ZMIZ1: variants seen among roughly 807,000 people sequenced by gnomAD.
The protein encoded by ZMIZ1 is zinc finger MIZ domain-containing protein 1.
Under a neutral mutation model 113.9 loss-of-function variants are expected in ZMIZ1, and 17 were observed. The ratio of observed to expected loss-of-function variants is 0.15; its 90% CI spans 0.10 to 0.22. ZMIZ1 has a LOEUF of 0.22. ZMIZ1 is among the 10% of genes least tolerant of loss of function. The pLI, the probability that ZMIZ1 is intolerant of heterozygous loss-of-function variation, is 1.00. For synonymous variants in ZMIZ1, 607 were observed against 603.1 expected, an observed-to-expected ratio of 1.01 and a Z score of -0.09; for missense variants, 1,059 against 1,477.8, an observed-to-expected ratio of 0.72 and a Z score of 4.65.
At chr10:79,110,713 G>A (rs1184945457) in intron 1 of ZMIZ1, among the ~76,000 whole-genome samples, 3 of 152,222 alleles carry the variant, frequency 2.0e-5, no homozygotes, top group Admixed American at 6.5e-5. Flanking sequence ...TGGCTCAGAG[G>A]CTCTGAAAGA....
In ZMIZ1 at chr10:79,157,109, G is replaced by A. The variant is rs74696838; in HGVS notation, c.-130-4944G>A. 7.3e-5 allele frequency among the ~76,000 whole-genome samples: 11 copies of A among 150,680 alleles called. No individual in the cohort carries two copies. The East Asian group carries it at 7.8e-4, about 11-fold the overall frequency. The stretch of plus-strand genomic sequence containing the variant: ...GGGTTCCAAAGGACAGTGACGAGAC[G>A]TAGAGCTGCACAAGGCGCCATGTAG... On this transcript the variant is annotated intron_variant, in intron 3 of 24. Transcript: ENST00000334512.
chr10:79,243,514 G>GGAGCGGGCAGCGCGGAGC (rs1306349651), intron 7 of ZMIZ1, among the ~76,000 whole-genome samples: 2 of 147,138 alleles, frequency 1.4e-5, no homozygotes, highest in Admixed American at 1.4e-4. Flanking sequence ...GAGCGCCCTC[G>GGAGCGGGCAGCGCGGAGC]GAGCGGGCAG....
At chr10:79,267,204 G>T (rs1851658700) in intron 7 of ZMIZ1, among the ~76,000 whole-genome samples, 1 of 152,234 alleles carries the variant, frequency 6.6e-6, no homozygotes, top group Admixed American at 6.5e-5. Context: ...ACAGTTGGGT[G>T]CTAGGGGAGC....
At chr10:79,072,799 C>A (rs2132152038) in intron 1 of ZMIZ1, among the ~76,000 whole-genome samples, 2 of 152,362 alleles carry the variant, frequency 1.3e-5, no homozygotes, top group Admixed American at 1.3e-4. Flanking sequence ...GTGTGGACAA[C>A]AAAGGCCAGG....
intron 1 of ZMIZ1, among the ~76,000 whole-genome samples, chr10:79,081,669 T>TG: frequency 6.6e-6 from 1 of 152,228 alleles, no homozygotes; most frequent in East Asian, 1.9e-4. Flanking sequence ...TGCCTGGCCC[T>TG]GCCCCCTGCC....
chr10:79,167,176 T>G (rs1846391484), intron 4 of ZMIZ1, among the ~76,000 whole-genome samples: 1 of 152,250 alleles, frequency 6.6e-6, no homozygotes, highest in African/African-American at 2.4e-5. Context: ...TCCAGAGCCT[T>G]CCTTCGACAC....
At chr10:79,099,649 C>G (rs950259721) in intron 1 of ZMIZ1, among the ~76,000 whole-genome samples, 2 of 152,162 alleles carry the variant, frequency 1.3e-5, no homozygotes, top group Non-Finnish European at 2.9e-5. Context: ...CAGTGTGGAG[C>G]CCAAGTCCCT....
chr10:79,094,348 T>TGGAGCC (rs1388127866), intron 1 of ZMIZ1, among the ~76,000 whole-genome samples: 1 of 137,194 alleles, frequency 7.3e-6, no homozygotes, highest in Non-Finnish European at 1.7e-5. Context: ...CGGAGGGAGC[T>TGGAGCC]GGAGCCAGAG....
At chr10:79,246,679 C>T (rs1391548634) in intron 7 of ZMIZ1, among the ~76,000 whole-genome samples, 1 of 152,216 alleles carries the variant, frequency 6.6e-6, no homozygotes, top group East Asian at 1.9e-4. Context: ...CCTCGCCCTC[C>T]TTCCCCAAGC....
chr10:79,177,259 G>T (rs919186962), intron 4 of ZMIZ1, among the ~76,000 whole-genome samples: 1 of 152,116 alleles, frequency 6.6e-6, no homozygotes, highest in Non-Finnish European at 1.5e-5. Context: ...CAGTGGAAAA[G>T]TGAAGCCTTT....
In ZMIZ1 at chr10:79,313,471, G is replaced by T. The variant is rs1855337321; in HGVS notation, c.*722G>T. Reference sequence around the variant, plus strand: ...TGCTTGGGGACTGGTGGGGAAGAGGGCCAGGACATCTTCTGAGCCAGGACG... The same window carrying T: ...TGCTTGGGGACTGGTGGGGAAGAGGTCCAGGACATCTTCTGAGCCAGGACG... On this transcript the variant is annotated 3_prime_UTR_variant, in exon 25 of 25. Coordinates refer to ENST00000334512, the MANE Select transcript of ZMIZ1 (RefSeq NM_020338.4). 6.2e-6 allele frequency: 1 copy of T among 160,470 alleles called. No homozygotes were observed. The allele number at this position is 160,470 out of a possible 1,614,324, so 9.9% of individuals were successfully genotyped here.
intron 7 of ZMIZ1, among the ~76,000 whole-genome samples, chr10:79,226,851 A>G (rs1317558230): frequency 1.3e-5 from 2 of 152,218 alleles, no homozygotes; most frequent in Non-Finnish European, 2.9e-5. Flanking sequence ...CAGAGCCAGG[A>G]CAGGTCAGGG....
At position 79,087,692 on chromosome 10, in the gene ZMIZ1, C is replaced by T. The variant is rs114813496; in HGVS notation, c.-337+18422C>T. Among the ~76,000 whole-genome samples, 1,215 of 152,354 alleles carry T rather than the reference C, an allele frequency of 8.0e-3. 19 individuals carry two copies. Among genetic ancestry groups the T allele is most frequent in the African/African-American group, 0.027 (1,134 of 41,570 alleles). On this transcript the variant is annotated intron_variant, in intron 1 of 24. Coordinates refer to ENST00000334512, the MANE Select transcript of ZMIZ1 (RefSeq NM_020338.4). ...TCTCTACGATCTACAATCTGAAATT[C>T]AGTGCCCTTCATTCTCTGGCCCCAG... is the stretch of plus-strand genomic sequence containing the variant.
At chr10:79,302,318 A>T in intron 18 of ZMIZ1, 106 bp downstream of exon 18, 1 of 1,151,294 alleles carries the variant, frequency 8.7e-7, no homozygotes, top group Non-Finnish European at 1.3e-6. Context: ...GCCTCCGTGC[A>T]TGTCACCACC....
intron 4 of ZMIZ1, among the ~76,000 whole-genome samples, chr10:79,173,111 C>T (rs1010746310): frequency 2.0e-5 from 3 of 152,122 alleles, no homozygotes; most frequent in South Asian, 2.1e-4. Context: ...CTGGGCTGCT[C>T]AGGGCCTGCT....
intron 8 of ZMIZ1, among the ~76,000 whole-genome samples, chr10:79,281,868 C>T (rs1026820259): frequency 1.3e-5 from 2 of 152,190 alleles, no homozygotes; most frequent in African/African-American, 2.4e-5. Context: ...TATTAAACAG[C>T]GCACAGGGCT....
At chr10:79,079,636 G>A (rs889956498) in intron 1 of ZMIZ1, among the ~76,000 whole-genome samples, 11 of 148,582 alleles carry the variant, frequency 7.4e-5, no homozygotes, top group Non-Finnish European at 6.0e-5. Context: ...CTGGCACTGG[G>A]GCCGGGGGGG....
chr10:79,198,771 C>T (rs1272764223), intron 4 of ZMIZ1, among the ~76,000 whole-genome samples: 3 of 152,246 alleles, frequency 2.0e-5, no homozygotes, highest in Non-Finnish European at 4.4e-5. Context: ...CAGTCGCTCA[C>T]GCCTGTAATC....
intron 7 of ZMIZ1, among the ~76,000 whole-genome samples, chr10:79,256,170 C>T (rs532262876): frequency 3.9e-5 from 6 of 152,214 alleles, no homozygotes; most frequent in Non-Finnish European, 8.8e-5. Context: ...GTCATAAACT[C>T]ATTTATACTA....
Sources: gnomAD v4.1 joint callset for allele counts (sites outside exome capture counted in the v4.1 genomes callset) on GRCh38, gnomAD v4.1.1 for gene constraint, MANE v1.5 for transcripts, NCBI Gene and HGNC (gene_info 2026-07-23, HGNC 2026-07-21) for gene names.